The following PKN2 variants were observed in gnomAD, a reference collection of about 807,000 sequenced individuals.
PKN2 encodes the protein serine/threonine-protein kinase N2.
In PKN2, 38 loss-of-function variants were observed where a neutral mutation model predicts 119.1. That is an observed-to-expected ratio of 0.32 (90% CI 0.25 to 0.42). The LOEUF (loss-of-function observed/expected upper bound fraction) is 0.42, where lower values mean the gene tolerates loss of function less well. Among genes scored for constraint, PKN2 ranks in the 10% least tolerant of loss-of-function variants. PKN2 has a pLI of 1.00. For synonymous variants in PKN2, 390 were observed against 384.9 expected, an observed-to-expected ratio of 1.01 and a Z score of -0.15; for missense variants, 850 against 1,165.1, an observed-to-expected ratio of 0.73 and a Z score of 3.94.
At chr1:88,733,684 T>A (rs1459224085) in intron 1 of PKN2, among the ~76,000 whole-genome samples, 3 of 152,210 alleles carry the variant, frequency 2.0e-5, no homozygotes, top group African/African-American at 4.8e-5. Context: ...TTTAGTTTGA[T>A]ACAATTCCAT....
chr1:88,734,482 C>G lies in PKN2; in HGVS notation c.49-6506C>G, dbSNP rs12096814. Among the ~76,000 whole-genome samples the G allele has an allele frequency of 8.1e-3, 1,238 of 152,170 alleles. 11 individuals carry two copies. Among genetic ancestry groups the G allele is most frequent in the African/African-American group, 0.028 (1,165 of 41,508 alleles). ...CTTTTCCCATTGAGTGTACTTGGCCCCTTTGTCAAGAATTAATAAACTGTA... is the reference window on the plus strand; with the variant it reads ...CTTTTCCCATTGAGTGTACTTGGCCGCTTTGTCAAGAATTAATAAACTGTA... On this transcript the variant is annotated intron_variant, in intron 1 of 21. Transcript: ENST00000370521.
chr1:88,764,291 T>G (rs1226624774), intron 3 of PKN2, among the ~76,000 whole-genome samples: 2 of 152,148 alleles, frequency 1.3e-5, no homozygotes, highest in African/African-American at 4.8e-5. Flanking sequence ...TTTTGTGGCT[T>G]TCTCATTCAT....
rs773089379 is a variant in PKN2 at position 88,821,990 on chromosome 1, A to G, written c.2329A>G (p.Lys777Glu). The stretch of plus-strand genomic sequence containing the variant: ...TGGGTTGCAGTATTTACATGAACAC[A>G]AAATTGTTTATAGGTAAGTTAATTT... Reference protein sequence around the residue: ...VLGLQYLHEHKIVYRDLKLDN... With the variant: ...VLGLQYLHEHEIVYRDLKLDN... The change falls in exon 17 of 22, where the codon AAA (lysine) becomes GAA (glutamate). Residue 777 changes from lysine to glutamate, a missense_variant. This residue lies in a region of PKN2 where 55 missense variants were observed against 85.9 expected (regional missense o/e 0.64). Coordinates refer to ENST00000370521, the MANE Select transcript of PKN2 (RefSeq NM_006256.4). 4 of 1,572,924 alleles carry G rather than the reference A, an allele frequency of 2.5e-6. No homozygotes were observed. In the South Asian group the frequency reaches 4.8e-5, roughly 19 times the overall value.
chr1:88,808,734 TTATC>T, intron 15 of PKN2, among the ~76,000 whole-genome samples: 1 of 152,334 alleles, frequency 6.6e-6, no homozygotes, highest in African/African-American at 2.4e-5. Flanking sequence ...AATGGCATAT[TTATC>T]ACAGAAAGAG....
intron 1 of PKN2, among the ~76,000 whole-genome samples, chr1:88,715,274 G>A (rs1447696705): frequency 6.6e-6 from 1 of 152,008 alleles, no homozygotes; most frequent in Non-Finnish European, 1.5e-5. Context: ...CTATAATGCT[G>A]GCCTCATAAA....
intron 8 of PKN2, among the ~76,000 whole-genome samples, chr1:88,802,482 G>A (rs1234888260): frequency 2.0e-5 from 3 of 151,976 alleles, no homozygotes; most frequent in African/African-American, 4.8e-5. Flanking sequence ...CGTGCACCAC[G>A]CCCGGCTAAC....
intron 1 of PKN2, among the ~76,000 whole-genome samples, 192 bp from the exon 2 acceptor site, chr1:88,740,796 C>T (rs1339922925): frequency 6.6e-5 from 10 of 151,978 alleles, no homozygotes; most frequent in Non-Finnish European, 1.5e-4. Flanking sequence ...CCAGTGAGTT[C>T]TTGAATTTAT....
chr1:88,753,813 A>G (rs1669097287), intron 2 of PKN2, among the ~76,000 whole-genome samples: 1 of 152,112 alleles, frequency 6.6e-6, no homozygotes, highest in Admixed American at 6.5e-5. Context: ...GCCAGGCCTC[A>G]TGTTCAACAC....
At chr1:88,769,360 AATTGCTATCTGTG>A (rs1267021486) in intron 3 of PKN2, among the ~76,000 whole-genome samples, 1 of 152,188 alleles carries the variant, frequency 6.6e-6, no homozygotes, top group African/African-American at 2.4e-5. Flanking sequence ...ATTGGAACAC[AATTGCTATCTGTG>A]ATTAGGTTTT....
intron 8 of PKN2, among the ~76,000 whole-genome samples, chr1:88,796,539 C>CTA (rs1671074671): frequency 6.6e-6 from 1 of 152,158 alleles, no homozygotes; most frequent in South Asian, 2.1e-4. Context: ...CTATGATGTA[C>CTA]TATATACTTC....
chr1:88,738,440 G>A (rs1320666271), intron 1 of PKN2, among the ~76,000 whole-genome samples: 1 of 152,220 alleles, frequency 6.6e-6, no homozygotes, highest in East Asian at 1.9e-4. Flanking sequence ...ATAACTGCAG[G>A]AGAAAGGAGA....
At chr1:88,791,454 G>A (rs1052346221) in intron 8 of PKN2, among the ~76,000 whole-genome samples, 2 of 151,850 alleles carry the variant, frequency 1.3e-5, no homozygotes, top group African/African-American at 4.8e-5. Context: ...AGCTGTGTGT[G>A]TGGAGTTGCC....
chr1:88,707,221 A>G (rs1292892712), intron 1 of PKN2, among the ~76,000 whole-genome samples: 1 of 152,138 alleles, frequency 6.6e-6, no homozygotes, highest in Non-Finnish European at 1.5e-5. Context: ...AACGTTTTAT[A>G]GATGTAAGCC....
At chr1:88,816,805 A>G (rs955934308) in intron 16 of PKN2, 6 of 152,206 alleles carry the variant, frequency 3.9e-5, no homozygotes, top group African/African-American at 1.2e-4. Context: ...CACATACACT[A>G]AAATTGGAAC....
At chr1:88,785,727 T>C (rs965919602) in intron 7 of PKN2, among the ~76,000 whole-genome samples, 17 of 152,184 alleles carry the variant, frequency 1.1e-4, no homozygotes, top group Non-Finnish European at 2.5e-4. Context: ...AGAGAGGCTT[T>C]AAGAAAAATA....
In PKN2 at chr1:88,824,398, T is replaced by G. The variant is rs775411597; in HGVS notation, c.2419+12T>G. 19 of 1,485,776 alleles carry G rather than the reference T, an allele frequency of 1.3e-5. No individual in the cohort carries two copies. Among genetic ancestry groups the G allele is most frequent in the Non-Finnish European group, 1.5e-5 (16 of 1,064,614 alleles). 92.0% of individuals were successfully genotyped at this position (1,485,776 alleles called of 1,614,324 possible). On this transcript the variant is annotated intron_variant, in intron 18 of 21. Transcript: ENST00000370521. ...TCTTTGCAAAGAAGGTAATCGAATG[T>G]TTTTAAGTTTCTTTTCTGATTCAGA...
Position 88,805,644 on chromosome 1 carries a change from G to A in PKN2, c.1649G>A (p.Arg550His), listed in dbSNP as rs761591652. Residue 550 changes from arginine to histidine, a missense_variant, in exon 11 of 22, where the codon CGC becomes CAC. Arg to His is a conservative substitution (Grantham distance 29). Around this residue, in one of 9 missense-constraint regions of PKN2, gnomAD observed 216 missense variants for 252.8 expected, o/e 0.85. Coordinates refer to ENST00000370521, the MANE Select transcript of PKN2 (RefSeq NM_006256.4). Reference protein sequence around the residue: ...VPTTVPVVDVRIPQLAPPASD... With the variant: ...VPTTVPVVDVHIPQLAPPASD... ...ACTACAGTGCCAGTGGTTGATGTAC[G>A]CATCCCTCAACTAGCACCTCCAGCT... 1.4e-5 allele frequency: 22 copies of A among 1,613,900 alleles called. No individual in the cohort carries two copies. In the Admixed American group the frequency reaches 1.7e-4, roughly 12 times the overall value.
intron 1 of PKN2, chr1:88,685,005 G>T (rs1666024111): frequency 4.7e-6 from 1 of 214,962 alleles, no homozygotes; most frequent in Admixed American, 5.9e-5. Flanking sequence ...TCGCGCGGCC[G>T]GGCCCCGCCC....
At chr1:88,717,460 A>G (rs549905329) in intron 1 of PKN2, among the ~76,000 whole-genome samples, 1 of 152,172 alleles carries the variant, frequency 6.6e-6, no homozygotes, top group South Asian at 2.1e-4. Flanking sequence ...GTCTTTTCAC[A>G]TAGTCTCATA....
Sources: allele counts gnomAD v4.1 joint callset (sites outside exome capture counted in the v4.1 genomes callset), GRCh38; gene constraint gnomAD v4.1.1; regional missense constraint gnomAD v4.1.1; transcripts MANE v1.5; gene names NCBI Gene and HGNC (gene_info 2026-07-23, HGNC 2026-07-21).